OVCH1: variants seen among roughly 807,000 people sequenced by gnomAD.
OVCH1 encodes ovochymase 1, also known as ovochymase-1.
A neutral mutation model predicts 138.4 loss-of-function variants in OVCH1; 139 were observed. The observed-to-expected ratio is 1.00, with a 90% CI of 0.87 to 1.16. The LOEUF (loss-of-function observed/expected upper bound fraction) is 1.16. Among genes scored for constraint, OVCH1 ranks in the 50% most tolerant of loss-of-function variants. OVCH1 has a pLI of 0.00. For missense variants in OVCH1, 1,367 were observed against 1,357.9 expected (o/e 1.01, Z -0.11); for synonymous variants, 453 against 467.8 (o/e 0.97, Z 0.41).
chr12:29,440,838 T>G (rs1368163921), intron 25 of OVCH1, 94 bp from the exon 26 acceptor site: 1 of 446,230 alleles, frequency 2.2e-6, no homozygotes, highest in African/African-American at 2.0e-5. Context: ...GCAATTGGAT[T>G]TTTTACCCAC....
chr12:29,417,740 A>G (rs183591344), intron 3 of OVCH1, among the ~76,000 whole-genome samples: 3 of 151,602 alleles, frequency 2.0e-5, no homozygotes, highest in Non-Finnish European at 4.4e-5. Context: ...TAATTTGTCC[A>G]AAATGCAACC....
chr12:29,440,414 T>A (rs2135917213), intron 25 of OVCH1: 1 of 182,016 alleles, frequency 5.5e-6, no homozygotes, highest in Non-Finnish European at 1.2e-5. Context: ...TTCCAATCTT[T>A]GTGTGCCCTT....
chr12:29,456,644 G>A (rs1485200056), intron 19 of OVCH1, among the ~76,000 whole-genome samples: 1 of 152,098 alleles, frequency 6.6e-6, no homozygotes, highest in Non-Finnish European at 1.5e-5. Flanking sequence ...TGTCTCTTGA[G>A]GTTCAATGTG....
chr12:29,491,187 C>A (rs1441174126), exon 5 of OVCH1: 2 of 1,613,104 alleles, frequency 1.2e-6, no homozygotes, highest in East Asian at 4.5e-5. Flanking sequence ...GGCTGAACAG[C>A]ATTTCCTGAG....
chr12:29,494,793 T>C (rs780699329), intron 4 of OVCH1, among the ~76,000 whole-genome samples: 8 of 152,070 alleles, frequency 5.3e-5, no homozygotes, highest in Non-Finnish European at 1.2e-4. Flanking sequence ...GGTAAACCTG[T>C]GGCTATGAGA....
downstream of OVCH1, among the ~76,000 whole-genome samples, chr12:29,410,979 G>A (rs1362487314): frequency 6.6e-6 from 1 of 151,810 alleles, no homozygotes; most frequent in Admixed American, 6.6e-5. Context: ...TTTTCACATA[G>A]TCCCATATTT....
At chr12:29,431,090 C>T (rs1941259459) in intron 27 of OVCH1, among the ~76,000 whole-genome samples, 1 of 152,136 alleles carries the variant, frequency 6.6e-6, no homozygotes, top group African/African-American at 2.4e-5. Flanking sequence ...ATTATAAAAG[C>T]AATGCATATA....
chr12:29,454,606 A>T (rs1167114378), intron 21 of OVCH1, among the ~76,000 whole-genome samples: 1 of 152,186 alleles, frequency 6.6e-6, no homozygotes, highest in Non-Finnish European at 1.5e-5. Context: ...ATATTCAAGC[A>T]CTGGTTCACA....
At chr12:29,477,708 T>G in intron 9 of OVCH1, 7 of 1,039,468 alleles carry the variant, frequency 6.7e-6, no homozygotes, top group Non-Finnish European at 9.6e-6. Flanking sequence ...CTTCAGGGCC[T>G]AACTCAAAAT....
intron 21 of OVCH1, among the ~76,000 whole-genome samples, chr12:29,452,762 T>C (rs970740919): frequency 2.0e-5 from 3 of 152,144 alleles, no homozygotes; most frequent in East Asian, 3.9e-4. Context: ...GGAGTAACAA[T>C]TGAAAGAAAC....
chr12:29,459,504 T>C (rs1942059819), intron 19 of OVCH1, among the ~76,000 whole-genome samples: 2 of 151,922 alleles, frequency 1.3e-5, no homozygotes. Context: ...AGTGGGTGAG[T>C]ATAGGGGAAG....
intron 18 of OVCH1, among the ~76,000 whole-genome samples, chr12:29,462,400 A>G (rs564975756): frequency 3.2e-4 from 48 of 151,212 alleles, no homozygotes; most frequent in Non-Finnish European, 6.3e-4. Flanking sequence ...ATACATAAAT[A>G]TATAATTGCT....
chr12:29,477,502 A>C (rs760155358), intron 10 of OVCH1, 24 bp from the exon 11 acceptor site: 1 of 1,613,832 alleles, frequency 6.2e-7, no homozygotes, highest in East Asian at 2.2e-5. Flanking sequence ...AAGGAAAGTG[A>C]AATAACATTA....
downstream of OVCH1, among the ~76,000 whole-genome samples, chr12:29,410,647 C>G (rs4347428): frequency 0.3 from 44,054 of 146,472 alleles, 8,010 homozygotes; most frequent in Middle Eastern, 0.52. Context: ...CCCCCACTCT[C>G]TTCTGGCTTG....
chr12:29,451,467 C>T, exon 22 of OVCH1: 1 of 1,613,374 alleles, frequency 6.2e-7, no homozygotes, highest in Non-Finnish European at 8.5e-7. Context: ...TGCTGAAACT[C>T]TGAGCACCCA....
chr12:29,411,018 T>A (rs559723868), downstream of OVCH1, among the ~76,000 whole-genome samples: 41 of 151,012 alleles, frequency 2.7e-4, no homozygotes, highest in Non-Finnish European at 5.2e-4. Context: ...TTTATTCTTT[T>A]TTCTCTAAAC....
At chr12:29,464,746 A>G in intron 17 of OVCH1, 44 bp from the exon 18 acceptor site, 13 of 1,539,488 alleles carry the variant, frequency 8.4e-6, no homozygotes, top group East Asian at 2.3e-5. Flanking sequence ...AAGAAAGTCA[A>G]AGAATCCAGC....
chr12:29,477,651 G>C, intron 9 of OVCH1, 173 bp from the exon 11 acceptor site: 1 of 1,553,774 alleles, frequency 6.4e-7, no homozygotes, highest in Non-Finnish European at 8.8e-7. Context: ...TGCTATTCCA[G>C]TCTCCTTCTC....
chr12:29,411,973 C>T (rs1307103727), downstream of OVCH1, among the ~76,000 whole-genome samples: 1 of 100,752 alleles, frequency 9.9e-6, no homozygotes, highest in East Asian at 2.8e-4. Flanking sequence ...TTCAAGCTTC[C>T]CCGCTGCTTT....
Sources: allele counts gnomAD v4.1 joint callset (sites outside exome capture counted in the v4.1 genomes callset), GRCh38; gene constraint gnomAD v4.1.1; transcripts MANE v1.5; gene names NCBI Gene and HGNC (gene_info 2026-07-23, HGNC 2026-07-21).